The following RBM47 variants were observed in gnomAD, a reference collection of about 807,000 sequenced individuals.
RBM47 encodes RNA binding motif protein 47.
Under a neutral mutation model 47.1 loss-of-function variants are expected in RBM47, and 21 were observed. The observed-to-expected ratio is 0.45, with a 90% CI of 0.32 to 0.64. The LOEUF (loss-of-function observed/expected upper bound fraction) is 0.64, where lower values mean the gene tolerates loss of function less well. Among genes scored for constraint, RBM47 ranks in the 30% least tolerant of loss-of-function variants. The pLI is 0.05. For synonymous variants in RBM47, 375 were observed against 361.7 expected (o/e 1.04, Z -0.42); for missense variants, 708 against 870.9 (o/e 0.81, Z 2.35).
chr4:40,569,004 TAGATAGATAGATAGACAGACAGAC>T (rs1731396954), intron 1 of RBM47, among the ~76,000 whole-genome samples: 1 of 147,168 alleles, frequency 6.8e-6, no homozygotes, highest in African/African-American at 2.5e-5. Context: ...GATAGATAGA[TAGATAGATAGATAGACAGACAGAC>T]AGACAGACAG....
At chr4:40,604,574 T>C (rs1735576785) in intron 1 of RBM47, among the ~76,000 whole-genome samples, 1 of 151,942 alleles carries the variant, frequency 6.6e-6, no homozygotes, top group Admixed American at 6.6e-5. Context: ...CTGCAGTGAG[T>C]GGTGATTGTG....
chr4:40,452,621 C>T (rs757497042), intron 3 of RBM47, among the ~76,000 whole-genome samples: 27 of 152,000 alleles, frequency 1.8e-4, no homozygotes, highest in Non-Finnish European at 3.2e-4. Context: ...CTTAGTCTAG[C>T]GTCCGCCAGG....
intron 1 of RBM47, among the ~76,000 whole-genome samples, chr4:40,588,426 C>T (rs992807797): frequency 1.3e-5 from 2 of 152,212 alleles, no homozygotes; most frequent in Non-Finnish European, 2.9e-5. Flanking sequence ...CTAATTCAAA[C>T]TGAACCTTTC....
intron 3 of RBM47, among the ~76,000 whole-genome samples, chr4:40,458,754 GT>G (rs150912350): frequency 0.051 from 7,717 of 150,748 alleles, 371 homozygotes; most frequent in African/African-American, 0.13. Flanking sequence ...GGTGATAATT[GT>G]TTTTTTTTCC....
intron 2 of RBM47, among the ~76,000 whole-genome samples, chr4:40,502,368 T>C (rs1429855556): frequency 1.3e-5 from 2 of 152,112 alleles, no homozygotes; most frequent in African/African-American, 4.8e-5. Flanking sequence ...CTGGTCTGAA[T>C]TGAAGGGAAG....
chr4:40,523,807 G>A (rs1726445113), intron 2 of RBM47, among the ~76,000 whole-genome samples: 1 of 151,178 alleles, frequency 6.6e-6, no homozygotes, highest in African/African-American at 2.4e-5. Context: ...TGAAGCGGCA[G>A]TGAGCAGTAA....
At chr4:40,590,095 AT>A (rs1197001499) in intron 1 of RBM47, among the ~76,000 whole-genome samples, 1 of 152,158 alleles carries the variant, frequency 6.6e-6, no homozygotes, top group African/African-American at 2.4e-5. Flanking sequence ...CCCACACTCC[AT>A]TCTAGCTGAG....
At chr4:40,603,345 C>T (rs2154277783) in intron 1 of RBM47, among the ~76,000 whole-genome samples, 1 of 152,180 alleles carries the variant, frequency 6.6e-6, no homozygotes, top group Non-Finnish European at 1.5e-5. Context: ...TTTAATTCAT[C>T]TACTATTAAT....
chr4:40,509,918 G>A (rs2154252999), intron 2 of RBM47, among the ~76,000 whole-genome samples: 1 of 150,916 alleles, frequency 6.6e-6, no homozygotes, highest in Admixed American at 6.6e-5. Flanking sequence ...CAGGTGCAGT[G>A]GCTCACGCCT....
chr4:40,464,704 G>C (rs963726734), intron 3 of RBM47, among the ~76,000 whole-genome samples: 1 of 151,578 alleles, frequency 6.6e-6, no homozygotes, highest in Non-Finnish European at 1.5e-5. Context: ...TCGAGACCAC[G>C]GTGAAACCCC....
intron 3 of RBM47, among the ~76,000 whole-genome samples, chr4:40,451,439 C>G (rs1715431453): frequency 6.6e-6 from 1 of 152,162 alleles, no homozygotes; most frequent in South Asian, 2.1e-4. Context: ...CGAAATCAGT[C>G]TAAAGCATCC....
rs1339553242 is a variant in RBM47 at position 40,423,673 on chromosome 4, TTTC to T, written c.*2228_*2230del. 4.0e-5 allele frequency: 4 copies of T among 99,030 alleles called. No individual in the cohort carries two copies. The highest frequency in any genetic ancestry group is 2.2e-4 in the African/African-American group (4 of 18,588). The allele number at this position is 99,030 out of a possible 1,614,324, so 6.1% of individuals were successfully genotyped here. A position where few individuals can be genotyped will look rare whatever the true frequency, so the allele number is the denominator to read the frequency against. On this transcript the variant is annotated 3_prime_UTR_variant, in exon 7 of 7. Coordinates refer to ENST00000295971, the MANE Select transcript of RBM47 (RefSeq NM_001098634.2). ...TTCTTTTTCTTTCTTTCTTTCTTTC[TTTC>T]TTTCTTTCTTTCTTTCTTTCTTTCT...
chr4:40,470,638 T>C (rs1718720976), intron 2 of RBM47, among the ~76,000 whole-genome samples: 1 of 152,248 alleles, frequency 6.6e-6, no homozygotes, highest in Non-Finnish European at 1.5e-5. Flanking sequence ...TCAAGTCATG[T>C]CCTGTTCTAC....
intron 3 of RBM47, among the ~76,000 whole-genome samples, chr4:40,454,130 G>C (rs1179547025): frequency 6.6e-6 from 1 of 152,130 alleles, no homozygotes; most frequent in African/African-American, 2.4e-5. Flanking sequence ...TTATGGGGAC[G>C]GTGGCAGAGT....
At chr4:40,533,963 G>T (rs1727660021) in intron 2 of RBM47, among the ~76,000 whole-genome samples, 1 of 151,830 alleles carries the variant, frequency 6.6e-6, no homozygotes. Flanking sequence ...TTACAGGCAT[G>T]CACCACCACG....
At chr4:40,528,927 A>G (rs1175413753) in intron 2 of RBM47, among the ~76,000 whole-genome samples, 1 of 148,008 alleles carries the variant, frequency 6.8e-6, no homozygotes, top group Non-Finnish European at 1.5e-5. Context: ...TGGGCGACAG[A>G]GCGAGACTCC....
intron 2 of RBM47, among the ~76,000 whole-genome samples, chr4:40,526,789 C>CTTT (rs540484622): frequency 4.9e-5 from 3 of 61,592 alleles, no homozygotes; most frequent in Non-Finnish European, 8.7e-5. Context: ...CAGTTTGGTT[C>CTTT]TTTTTTTTTT....
intron 1 of RBM47, among the ~76,000 whole-genome samples, chr4:40,569,048 C>CAGACAGAT (rs1731420496): frequency 1.4e-5 from 2 of 146,398 alleles, no homozygotes; most frequent in African/African-American, 5.1e-5. Context: ...GACAGACAGA[C>CAGACAGAT]AGATAGATAG....
chr4:40,627,914 G>C (rs1183999603), intron 1 of RBM47, among the ~76,000 whole-genome samples: 1 of 152,182 alleles, frequency 6.6e-6, no homozygotes, highest in Non-Finnish European at 1.5e-5. Flanking sequence ...AAATGATGAT[G>C]ATGAATTCTC....
Sources: gnomAD v4.1 joint callset for allele counts (sites outside exome capture counted in the v4.1 genomes callset) on GRCh38, gnomAD v4.1.1 for gene constraint, MANE v1.5 for transcripts, NCBI Gene and HGNC (gene_info 2026-07-23, HGNC 2026-07-21) for gene names.